Variants in MCU observed in about 807,000 individuals in gnomAD.
The protein encoded by MCU is mitochondrial calcium uniporter.
MCU carries 12 observed loss-of-function variants against 45.2 expected under a neutral mutation model. That is an observed-to-expected ratio of 0.27 (90% CI 0.17 to 0.43). The LOEUF (loss-of-function observed/expected upper bound fraction) is 0.43, where lower values mean the gene tolerates loss of function less well. Ranked by LOEUF, MCU falls within the 20% of genes least tolerant of loss-of-function variation. MCU has a pLI of 1.00. For missense variants in MCU, 324 were observed against 436.7 expected (o/e 0.74, Z 2.30); for synonymous variants, 160 against 165.1 (o/e 0.97, Z 0.24).
chr10:72,863,764 T>G (rs931252702), intron 4 of MCU, among the ~76,000 whole-genome samples: 23 of 152,050 alleles, frequency 1.5e-4, no homozygotes, highest in African/African-American at 4.8e-4. Flanking sequence ...TACAGGCACG[T>G]GCCACCATGC....
intron 1 of MCU, among the ~76,000 whole-genome samples, chr10:72,753,568 A>AT (rs1589445271): frequency 6.6e-6 from 1 of 152,174 alleles, no homozygotes; most frequent in East Asian, 1.9e-4. Flanking sequence ...GCATCATTTC[A>AT]TTTAATACTG....
Position 72,868,883 on chromosome 10 carries a change from G to GT in MCU, c.657+26dup. 6.2e-7 allele frequency: 1 copy of GT among 1,609,634 alleles called. No individual in the cohort carries two copies. The highest frequency in any genetic ancestry group is 8.5e-7 in the Non-Finnish European group (1 of 1,178,594). ...GAAAAGGTAAAACTTCCAATCTCAG[G>GT]TTTTTTACCTTAACCTGTATTTTTT... On this transcript the variant is annotated intron_variant, in intron 5 of 7. Transcript: ENST00000373053.
At chr10:72,823,149 T>A (rs375709518) in intron 1 of MCU, among the ~76,000 whole-genome samples, 13 of 152,306 alleles carry the variant, frequency 8.5e-5, no homozygotes, top group African/African-American at 2.9e-4. Flanking sequence ...AAACAAAATG[T>A]CATATATCCA....
At chr10:72,877,474 C>T (rs1845634431) in intron 6 of MCU, among the ~76,000 whole-genome samples, 1 of 152,084 alleles carries the variant, frequency 6.6e-6, no homozygotes, top group Non-Finnish European at 1.5e-5. Flanking sequence ...CTTCCACAAA[C>T]CCTTTAGCTA....
At chr10:72,826,269 A>C (rs1381620288) in intron 1 of MCU, among the ~76,000 whole-genome samples, 1 of 152,142 alleles carries the variant, frequency 6.6e-6, no homozygotes, top group African/African-American at 2.4e-5. Context: ...TAGAACAAAC[A>C]CAGATTTCTC....
chr10:72,717,749 TGTATGTGTGTGTGG>T (rs1251752033), intron 1 of MCU, among the ~76,000 whole-genome samples: 1 of 152,196 alleles, frequency 6.6e-6, no homozygotes, highest in East Asian at 1.9e-4. Context: ...AGTATATTTG[TGTATGTGTGTGTGG>T]GTATGTGTGT....
At chr10:72,881,040 G>A (rs1845693728) in intron 6 of MCU, among the ~76,000 whole-genome samples, 1 of 152,110 alleles carries the variant, frequency 6.6e-6, no homozygotes, top group African/African-American at 2.4e-5. Flanking sequence ...CAAGGTAGGA[G>A]GATTGCTTGA....
chr10:72,832,563 A>G (rs908047529), intron 1 of MCU, among the ~76,000 whole-genome samples: 5 of 152,224 alleles, frequency 3.3e-5, no homozygotes, highest in Non-Finnish European at 5.9e-5. Context: ...CTTCTCAGAA[A>G]TACAAACAGA....
chr10:72,812,910 T>A (rs1215601524), intron 1 of MCU, among the ~76,000 whole-genome samples: 2 of 152,232 alleles, frequency 1.3e-5, no homozygotes, highest in Non-Finnish European at 2.9e-5. Context: ...TAATCATCTC[T>A]GTGGCTTAGT....
intron 1 of MCU, among the ~76,000 whole-genome samples, chr10:72,722,928 G>A (rs1843043520): frequency 6.6e-6 from 1 of 152,152 alleles, no homozygotes; most frequent in South Asian, 2.1e-4. Flanking sequence ...TGGGTGTGGT[G>A]GCTCACGCCT....
At chr10:72,701,051 T>G (rs539999303) in intron 1 of MCU, among the ~76,000 whole-genome samples, 1 of 152,322 alleles carries the variant, frequency 6.6e-6, no homozygotes, top group East Asian at 1.9e-4. Context: ...ACGCCTACTT[T>G]GTACCTCTTT....
At chr10:72,699,757 G>A (rs866468510) in intron 1 of MCU, among the ~76,000 whole-genome samples, 6 of 151,670 alleles carry the variant, frequency 4.0e-5, no homozygotes, top group Middle Eastern at 3.4e-3. Context: ...GCCCCCTGCC[G>A]ATTTTTGTAT....
At chr10:72,784,853 A>G (rs1171196446) in intron 1 of MCU, among the ~76,000 whole-genome samples, 1 of 152,146 alleles carries the variant, frequency 6.6e-6, no homozygotes, top group Non-Finnish European at 1.5e-5. Context: ...AAATTCCTAA[A>G]TGCTGATGTG....
At chr10:72,855,459 A>G (rs892776871) in intron 2 of MCU, among the ~76,000 whole-genome samples, 10 of 152,018 alleles carry the variant, frequency 6.6e-5, no homozygotes, top group East Asian at 1.9e-4. Context: ...ACATATGCCT[A>G]TAGTCCTAGC....
At chr10:72,872,563 A>G (rs1845560224) in intron 6 of MCU, among the ~76,000 whole-genome samples, 1 of 152,188 alleles carries the variant, frequency 6.6e-6, no homozygotes, top group Non-Finnish European at 1.5e-5. Context: ...AATGTCCTCC[A>G]GCCTTATCCA....
chr10:72,769,510 T>G (rs1422950402), intron 1 of MCU, among the ~76,000 whole-genome samples: 1 of 152,192 alleles, frequency 6.6e-6, no homozygotes, highest in East Asian at 1.9e-4. Flanking sequence ...CTTGAACTCC[T>G]GGGCTCCGGT....
chr10:72,827,655 A>G (rs1443796043), intron 1 of MCU, among the ~76,000 whole-genome samples: 1 of 152,196 alleles, frequency 6.6e-6, no homozygotes, highest in East Asian at 1.9e-4. Flanking sequence ...TCTTATGGAT[A>G]TTGAAGTTTT....
intron 1 of MCU, among the ~76,000 whole-genome samples, chr10:72,788,244 C>T (rs776981660): frequency 6.6e-6 from 1 of 152,228 alleles, no homozygotes; most frequent in Non-Finnish European, 1.5e-5. Flanking sequence ...GTTGGTTAAA[C>T]AACTCAATGA....
At chr10:72,786,835 C>T (rs1236148288) in intron 1 of MCU, among the ~76,000 whole-genome samples, 2 of 152,318 alleles carry the variant, frequency 1.3e-5, no homozygotes, top group East Asian at 1.9e-4. Context: ...ATTTAATCCT[C>T]CTGGAAACAT....
Sources: allele counts gnomAD v4.1 joint callset (sites outside exome capture counted in the v4.1 genomes callset), GRCh38; gene constraint gnomAD v4.1.1; transcripts MANE v1.5; gene names NCBI Gene and HGNC (gene_info 2026-07-23, HGNC 2026-07-21).